KIAA0825: variants seen among roughly 807,000 people sequenced by gnomAD.
KIAA0825 encodes uncharacterized protein KIAA0825.
Under a neutral mutation model 147.6 loss-of-function variants are expected in KIAA0825, and 119 were observed. The ratio of observed to expected loss-of-function variants is 0.81; its 90% CI spans 0.69 to 0.94. The LOEUF (loss-of-function observed/expected upper bound fraction) is 0.94. Among genes scored for constraint, KIAA0825 ranks in the 40% least tolerant of loss-of-function variants. The pLI is 0.00. For synonymous variants in KIAA0825, 470 were observed against 518.1 expected (o/e 0.91, Z 1.26); for missense variants, 1,381 against 1,472.7 (o/e 0.94, Z 1.02).
chr5:94,267,317 T>C (rs1776777725), intron 20 of KIAA0825, among the ~76,000 whole-genome samples: 1 of 152,310 alleles, frequency 6.6e-6, no homozygotes, highest in East Asian at 1.9e-4. Context: ...ATTGTGATTA[T>C]GAATTTATAG....
intron 20 of KIAA0825, among the ~76,000 whole-genome samples, chr5:94,291,539 G>A (rs1433030812): frequency 6.6e-6 from 1 of 152,144 alleles, no homozygotes; most frequent in Admixed American, 6.5e-5. Context: ...TTTGAAGTCA[G>A]GTAGTGTGAT....
chr5:94,219,849 G>C (rs768479217), intron 20 of KIAA0825, among the ~76,000 whole-genome samples: 1 of 152,122 alleles, frequency 6.6e-6, no homozygotes, highest in Non-Finnish European at 1.5e-5. Context: ...GTGAGTGAGT[G>C]GTGAATGAAT....
intron 20 of KIAA0825, among the ~76,000 whole-genome samples, chr5:94,378,646 G>A (rs1044822484): frequency 6.6e-6 from 1 of 152,192 alleles, no homozygotes; most frequent in Non-Finnish European, 1.5e-5. Flanking sequence ...TGAATTGAAT[G>A]GTAATTCTGT....
intron 20 of KIAA0825, among the ~76,000 whole-genome samples, chr5:94,245,121 A>C (rs1554249249): frequency 2.0e-5 from 3 of 152,192 alleles, no homozygotes. Flanking sequence ...CCAAAGGCTA[A>C]AACGTCCCTT....
intron 2 of KIAA0825, among the ~76,000 whole-genome samples, chr5:94,579,043 G>A (rs960077880): frequency 3.3e-5 from 5 of 151,862 alleles, no homozygotes; most frequent in African/African-American, 4.8e-5. Flanking sequence ...CCTCAGCCCC[G>A]CCCCCGTAGC....
At chr5:94,337,437 C>A (rs1307703148) in intron 20 of KIAA0825, among the ~76,000 whole-genome samples, 1 of 152,108 alleles carries the variant, frequency 6.6e-6, no homozygotes, top group African/African-American at 2.4e-5. Context: ...TAGGTTAATT[C>A]TTCATTTACA....
At chr5:94,515,163 T>G (rs1371213917) in intron 5 of KIAA0825, among the ~76,000 whole-genome samples, 5 of 152,182 alleles carry the variant, frequency 3.3e-5, no homozygotes, top group Non-Finnish European at 7.4e-5. Flanking sequence ...TAAATAATCC[T>G]TTCTTTTTTG....
chr5:94,228,663 C>G (rs1481518764), intron 20 of KIAA0825, among the ~76,000 whole-genome samples: 1 of 152,100 alleles, frequency 6.6e-6, no homozygotes, highest in Non-Finnish European at 1.5e-5. Flanking sequence ...AGTCCCTACG[C>G]CAAAGAACTC....
intron 20 of KIAA0825, among the ~76,000 whole-genome samples, chr5:94,283,651 T>A (rs190504181): frequency 6.6e-6 from 1 of 152,282 alleles, no homozygotes; most frequent in Admixed American, 6.5e-5. Flanking sequence ...GCTTACATTT[T>A]AAAAAATTTA....
Position 94,247,897 on chromosome 5 carries a change from T to C in KIAA0825, c.3711-93773A>G, listed in dbSNP as rs115952377. On this transcript the variant is annotated intron_variant, in intron 20 of 20. Transcript: ENST00000682413. ...AGGCAATGGAGATTTACTAGGAAAA[T>C]ATAAGGGGGGGTAATAAATATATTT... Among the ~76,000 whole-genome samples the C allele has an allele frequency of 7.6e-3, 1,163 of 152,056 alleles. 6 individuals are homozygous for C. The highest frequency in any genetic ancestry group is 0.015 in the Admixed American group (223 of 15,254).
intron 14 of KIAA0825, among the ~76,000 whole-genome samples, chr5:94,429,637 T>A (rs1755392452): frequency 6.6e-6 from 1 of 152,178 alleles, no homozygotes; most frequent in African/African-American, 2.4e-5. Flanking sequence ...TCGTGAGATG[T>A]ACAGTGGTCT....
intron 8 of KIAA0825, among the ~76,000 whole-genome samples, chr5:94,472,568 C>G (rs1282429462): frequency 6.6e-6 from 1 of 152,050 alleles, no homozygotes; most frequent in Non-Finnish European, 1.5e-5. Context: ...CACGGTGAAA[C>G]CCCGTCTTTA....
chr5:94,444,174 A>G (rs1479354005), intron 13 of KIAA0825, among the ~76,000 whole-genome samples: 1 of 152,106 alleles, frequency 6.6e-6, no homozygotes, highest in East Asian at 1.9e-4. Context: ...CAATAACTAT[A>G]AGCTCTGGAG....
At chr5:94,372,533 C>A (rs1746863220) in intron 20 of KIAA0825, among the ~76,000 whole-genome samples, 1 of 152,208 alleles carries the variant, frequency 6.6e-6, no homozygotes, top group South Asian at 2.1e-4. Context: ...GAAGCAATGG[C>A]CTGAGCTGTA....
intron 1 of KIAA0825, among the ~76,000 whole-genome samples, chr5:94,615,080 A>AG (rs2152449505): frequency 6.6e-6 from 1 of 151,920 alleles, no homozygotes; most frequent in Non-Finnish European, 1.5e-5. Flanking sequence ...AAAAAAAAAA[A>AG]GCATGGCTGT....
intron 20 of KIAA0825, among the ~76,000 whole-genome samples, chr5:94,360,032 T>G (rs1744849285): frequency 6.6e-6 from 1 of 152,168 alleles, no homozygotes; most frequent in Non-Finnish European, 1.5e-5. Flanking sequence ...TCATTAGCCC[T>G]TCTATTTTAA....
At chr5:94,312,049 G>A (rs952641724) in intron 20 of KIAA0825, among the ~76,000 whole-genome samples, 2 of 151,596 alleles carry the variant, frequency 1.3e-5, no homozygotes, top group Admixed American at 6.6e-5. Flanking sequence ...TGCTGTGGAC[G>A]TTAAAAATTC....
At chr5:94,354,968 C>T (rs1403246494) in intron 20 of KIAA0825, among the ~76,000 whole-genome samples, 2 of 152,088 alleles carry the variant, frequency 1.3e-5, no homozygotes, top group Non-Finnish European at 2.9e-5. Context: ...AGACATCAAT[C>T]GAATACATGT....
At chr5:94,553,605 A>C (rs1775967859) in intron 2 of KIAA0825, among the ~76,000 whole-genome samples, 1 of 151,048 alleles carries the variant, frequency 6.6e-6, no homozygotes, top group Non-Finnish European at 1.5e-5. Context: ...TCTCTACTAA[A>C]AATACAAAAA....
Sources: gnomAD v4.1 joint callset for allele counts (sites outside exome capture counted in the v4.1 genomes callset) on GRCh38, gnomAD v4.1.1 for gene constraint, MANE v1.5 for transcripts, NCBI Gene and HGNC (gene_info 2026-07-23, HGNC 2026-07-21) for gene names.